CSMD1: variants seen among roughly 807,000 people sequenced by gnomAD.
CSMD1 encodes CUB and sushi domain-containing protein 1.
Under a neutral mutation model 417.5 loss-of-function variants are expected in CSMD1, and 213 were observed. The observed-to-expected ratio is 0.51, with a 90% CI of 0.46 to 0.57. The LOEUF (loss-of-function observed/expected upper bound fraction) is 0.57, where lower values mean the gene tolerates loss of function less well. Among genes scored for constraint, CSMD1 ranks in the 20% least tolerant of loss-of-function variants. The probability of loss-of-function intolerance (pLI) is 0.00; values close to 1 mark genes in which losing one functional copy is unlikely to be tolerated. For missense variants in CSMD1, 6,923 were observed against 4,529.7 expected, an observed-to-expected ratio of 1.53 and a Z score of -15.17; for synonymous variants, 2,862 against 1,736.8, an observed-to-expected ratio of 1.65 and a Z score of -16.11.
intron 1 of CSMD1, among the ~76,000 whole-genome samples, chr8:4,897,410 A>G (rs1181694305): frequency 1.3e-5 from 2 of 152,124 alleles, no homozygotes; most frequent in Non-Finnish European, 1.5e-5. Context: ...GTTACAACAA[A>G]TATGACTTAC....
chr8:3,014,998 C>T (rs1016490208), intron 52 of CSMD1, among the ~76,000 whole-genome samples: 1 of 151,818 alleles, frequency 6.6e-6, no homozygotes, highest in Non-Finnish European at 1.5e-5. Flanking sequence ...TTATTACACA[C>T]CGTATGTGTG....
chr8:4,285,274 C>T (rs1056542216), intron 3 of CSMD1, among the ~76,000 whole-genome samples: 6 of 152,134 alleles, frequency 3.9e-5, no homozygotes, highest in Non-Finnish European at 7.4e-5. Flanking sequence ...AATGCCATTT[C>T]GTTCTTGCTT....
chr8:4,083,145 G>A (rs1419357623), intron 3 of CSMD1, among the ~76,000 whole-genome samples: 3 of 152,054 alleles, frequency 2.0e-5, no homozygotes, highest in Non-Finnish European at 4.4e-5. Flanking sequence ...CGGGATGGCT[G>A]GGTCAAATGG....
chr8:4,733,655 C>T (rs13257013), intron 1 of CSMD1, among the ~76,000 whole-genome samples: 70,852 of 152,108 alleles, frequency 0.47, 17,145 homozygotes, highest in African/African-American at 0.58. Flanking sequence ...TTTAACACAT[C>T]TGAACAGGTA....
chr8:4,704,719 G>A (rs1037405434), intron 1 of CSMD1, among the ~76,000 whole-genome samples: 1 of 152,120 alleles, frequency 6.6e-6, no homozygotes, highest in Non-Finnish European at 1.5e-5. Flanking sequence ...TTGCTTAATG[G>A]AATGCCTGTC....
intron 1 of CSMD1, among the ~76,000 whole-genome samples, chr8:4,717,143 A>T (rs937954864): frequency 1.3e-4 from 20 of 151,804 alleles, no homozygotes; most frequent in Non-Finnish European, 2.9e-4. Context: ...ATTAGGAAAA[A>T]AAACTAGGGT....
intron 7 of CSMD1, among the ~76,000 whole-genome samples, chr8:3,686,820 C>T (rs757877037): frequency 2.6e-5 from 4 of 152,186 alleles, no homozygotes; most frequent in Non-Finnish European, 5.9e-5. Context: ...TGAGGGCTCC[C>T]AGGCCACATG....
chr8:4,476,276 G>C lies in CSMD1; in HGVS notation c.303-56211C>G, dbSNP rs148069929. On this transcript the variant is annotated intron_variant, in intron 2 of 69. Transcript: ENST00000635120. ...TATACTTTTTATTCATCATGATAGA[G>C]ACCGGATGTTTATAAGCATGTATCT... Among the ~76,000 whole-genome samples the C allele has an allele frequency of 3.2e-3, 481 of 152,124 alleles. 6 individuals are homozygous for C. The highest frequency in any genetic ancestry group is 0.011 in the African/African-American group (440 of 41,522).
chr8:3,731,829 C>G (rs1308370516), intron 6 of CSMD1, among the ~76,000 whole-genome samples: 1 of 152,076 alleles, frequency 6.6e-6, no homozygotes, highest in African/African-American at 2.4e-5. Flanking sequence ...TCCTCACCAC[C>G]CATGAGTGAG....
intron 10 of CSMD1, among the ~76,000 whole-genome samples, chr8:3,574,635 C>T (rs1243076656): frequency 6.6e-6 from 1 of 152,108 alleles, no homozygotes; most frequent in East Asian, 1.9e-4. Context: ...TTTAAGAAAG[C>T]TTGTAATATA....
intron 2 of CSMD1, among the ~76,000 whole-genome samples, chr8:4,422,814 T>C (rs757915684): frequency 6.6e-6 from 1 of 152,022 alleles, no homozygotes; most frequent in Non-Finnish European, 1.5e-5. Flanking sequence ...ATAGGCAAGA[T>C]ACGAATTATA....
intron 2 of CSMD1, among the ~76,000 whole-genome samples, chr8:4,604,783 C>G (rs1225861922): frequency 4.6e-5 from 7 of 152,134 alleles, no homozygotes; most frequent in Non-Finnish European, 1.0e-4. Flanking sequence ...GAATATAGAT[C>G]TACTTCTTCC....
At chr8:4,131,794 G>T (rs193100249) in intron 3 of CSMD1, among the ~76,000 whole-genome samples, 1 of 110,980 alleles carries the variant, frequency 9.0e-6, no homozygotes, top group Non-Finnish European at 1.7e-5. Context: ...ACGGAGTCTC[G>T]CTCTGTCACC....
chr8:4,787,553 T>G, intron 1 of CSMD1: 1 of 1,433,758 alleles, frequency 7.0e-7, no homozygotes, highest in Middle Eastern at 2.0e-4. Flanking sequence ...CACCAGAAAA[T>G]GTGGGGAGAC....
intron 1 of CSMD1, among the ~76,000 whole-genome samples, chr8:4,941,509 C>T (rs1807998097): frequency 6.6e-6 from 1 of 152,184 alleles, no homozygotes; most frequent in Non-Finnish European, 1.5e-5. Context: ...CAGTTATCTA[C>T]ACATGTAACT....
chr8:4,844,309 A>G (rs1801010260), intron 1 of CSMD1, among the ~76,000 whole-genome samples: 1 of 152,178 alleles, frequency 6.6e-6, no homozygotes, highest in Non-Finnish European at 1.5e-5. Flanking sequence ...GCATCAGTAG[A>G]TAGTGCCGTT....
intron 1 of CSMD1, among the ~76,000 whole-genome samples, chr8:4,974,563 AAGATTGG>A (rs1270350736): frequency 6.6e-6 from 1 of 152,190 alleles, no homozygotes; most frequent in Admixed American, 6.6e-5. Context: ...TCTTTGAAAA[AAGATTGG>A]AGTCGACGTT....
intron 17 of CSMD1, among the ~76,000 whole-genome samples, chr8:3,392,590 C>G (rs1164519705): frequency 6.6e-6 from 1 of 152,056 alleles, no homozygotes; most frequent in African/African-American, 2.4e-5. Flanking sequence ...TTCTCTCTCC[C>G]TGGAGCCCGG....
At position 4,637,462 on chromosome 8, in the gene CSMD1, A is replaced by C. The variant is rs762033549; in HGVS notation, c.182T>G (p.Ile61Ser). ...CCTATTGCGCTCGCCCGTGATGATG[A>C]TCCAGGTGCAGTTGGCATAGTTCGG... is the stretch of plus-strand genomic sequence containing the variant. ...GYPNYANCTWIIITGERNRIQ... is the reference protein window; with the variant it reads ...GYPNYANCTWSIITGERNRIQ... Residue 61 changes from isoleucine to serine, a missense_variant, in exon 2 of 70, where the codon ATC becomes AGC. Physicochemically the swap from Ile to Ser is moderately radical, Grantham distance 142. Transcript: ENST00000635120. 2.5e-6 allele frequency: 4 copies of C among 1,613,828 alleles called. No individual in the cohort carries two copies. The Admixed American group carries it at 6.7e-5, about 27-fold the overall frequency.
Sources: allele counts gnomAD v4.1 joint callset (sites outside exome capture counted in the v4.1 genomes callset), GRCh38; gene constraint gnomAD v4.1.1; transcripts MANE v1.5; gene names NCBI Gene and HGNC (gene_info 2026-07-23, HGNC 2026-07-21).